Variants in CLVS1 observed in about 807,000 individuals in gnomAD.
CLVS1 encodes clavesin-1.
Under a neutral mutation model 33.1 loss-of-function variants are expected in CLVS1, and 10 were observed. That is an observed-to-expected ratio of 0.30 (90% confidence interval 0.19 to 0.51). The LOEUF (loss-of-function observed/expected upper bound fraction) is 0.51. Ranked by LOEUF, CLVS1 falls within the 20% of genes least tolerant of loss-of-function variation. CLVS1 has a pLI of 0.97. For synonymous variants in CLVS1, 163 were observed against 166.1 expected, an observed-to-expected ratio of 0.98 and a Z score of 0.14; for missense variants, 343 against 433.4, an observed-to-expected ratio of 0.79 and a Z score of 1.85.
chr8:61,466,999 A>T (rs1421505105), intron 5 of CLVS1, among the ~76,000 whole-genome samples: 3 of 152,246 alleles, frequency 2.0e-5, no homozygotes, highest in Non-Finnish European at 4.4e-5. Flanking sequence ...CACTATCATG[A>T]TGTAACTACT....
intron 2 of CLVS1, among the ~76,000 whole-genome samples, chr8:61,325,906 A>G (rs1431511372): frequency 6.6e-6 from 1 of 152,214 alleles, no homozygotes; most frequent in Non-Finnish European, 1.5e-5. Context: ...TTTATCATAC[A>G]TAGAAAAATG....
At chr8:61,406,196 G>A (rs935017297) in intron 3 of CLVS1, among the ~76,000 whole-genome samples, 2 of 152,184 alleles carry the variant, frequency 1.3e-5, no homozygotes, top group African/African-American at 2.4e-5. Flanking sequence ...TTGTGTCTGA[G>A]CTAAAAGCAG....
rs375010795 is a variant in CLVS1 at position 61,479,879 on chromosome 8, C to T, written c.978-19576C>T. 6.4e-4 allele frequency among the ~76,000 whole-genome samples: 97 copies of T among 152,240 alleles called. 2 individuals carry two copies. Among genetic ancestry groups the T allele is most frequent in the South Asian group, 3.9e-3 (19 of 4,826 alleles). ...ACCCTGTTTGCCTGGGTATCAGCAG[C>T]GGTGGCTGCAGAACAGCGGATATTG... On this transcript the variant is annotated intron_variant, in intron 5 of 5. Coordinates refer to ENST00000325897, the MANE Select transcript of CLVS1 (RefSeq NM_173519.3).
intron 1 of CLVS1, among the ~76,000 whole-genome samples, chr8:61,128,677 A>T (rs1362781406): frequency 1.3e-5 from 2 of 152,200 alleles, no homozygotes; most frequent in African/African-American, 4.8e-5. Flanking sequence ...CAGGTTTGAC[A>T]TTCAATACGT....
At chr8:61,467,347 G>A (rs1817583586) in intron 5 of CLVS1, among the ~76,000 whole-genome samples, 1 of 152,126 alleles carries the variant, frequency 6.6e-6, no homozygotes, top group African/African-American at 2.4e-5. Flanking sequence ...TTTATTCTTA[G>A]CCAGTCCTGA....
At chr8:61,402,053 G>T (rs1455646641) in intron 3 of CLVS1, among the ~76,000 whole-genome samples, 3 of 151,942 alleles carry the variant, frequency 2.0e-5, no homozygotes, top group Non-Finnish European at 2.9e-5. Flanking sequence ...TTATTCACAA[G>T]GCCTGGAACC....
At chr8:61,482,755 T>G (rs1290782376) in intron 5 of CLVS1, among the ~76,000 whole-genome samples, 2 of 152,196 alleles carry the variant, frequency 1.3e-5, no homozygotes, top group African/African-American at 4.8e-5. Context: ...CAGACCACAG[T>G]GCAATCAACC....
In CLVS1 at chr8:61,067,025, T is replaced by C. The variant is rs1400858224; in HGVS notation, c.-243+9795T>C. Among the ~76,000 whole-genome samples, 3 of 149,640 alleles carry C rather than the reference T, an allele frequency of 2.0e-5. No homozygotes were observed. In the South Asian group the frequency reaches 6.4e-4, roughly 32 times the overall value. On this transcript the variant is annotated intron_variant, in intron 1 of 2. Transcript: ENST00000522621. ...ACAGTCCTGAGTCAGGAGCCATAAA[T>C]GGGGGGGGAGGGCAATGATGTTCAA...
rs192167661 is a variant in CLVS1 at position 61,314,190 on chromosome 8, C to T, written c.455+13908C>T. Among the ~76,000 whole-genome samples, 303 of 152,250 alleles carry T rather than the reference C, an allele frequency of 2.0e-3. 3 individuals are homozygous for T. The highest frequency in any genetic ancestry group is 7.1e-3 in the African/African-American group (293 of 41,546). On this transcript the variant is annotated intron_variant, in intron 2 of 5. Transcript: ENST00000325897. The stretch of plus-strand genomic sequence containing the variant: ...TGAATGGCTTTTTTGTACTCAGTGT[C>T]CCCTTTCCCTGACAGGGTCGTGTAG...
chr8:61,339,937 A>T (rs1811960810), intron 2 of CLVS1, among the ~76,000 whole-genome samples: 1 of 151,534 alleles, frequency 6.6e-6, no homozygotes, highest in Non-Finnish European at 1.5e-5. Context: ...GAAAGATAAA[A>T]GAAAGAGAGG....
chr8:61,265,558 T>C (rs1376872058), intron 2 of CLVS1, among the ~76,000 whole-genome samples: 2 of 152,336 alleles, frequency 1.3e-5, no homozygotes, highest in South Asian at 4.1e-4. Context: ...TTGTTATGAT[T>C]TTCCCACAAC....
At chr8:61,187,765 ATAAT>A (rs1442851719) in intron 2 of CLVS1, among the ~76,000 whole-genome samples, 3 of 150,088 alleles carry the variant, frequency 2.0e-5, no homozygotes, top group Non-Finnish European at 4.4e-5. Flanking sequence ...AACTTATAAA[ATAAT>A]TATATATAAG....
Position 61,299,846 on chromosome 8 carries a change from C to A in CLVS1, c.19C>A (p.Leu7Ile), listed in dbSNP as rs1563484242. 2 of 1,610,982 alleles carry A rather than the reference C, an allele frequency of 1.2e-6. No homozygotes were observed. The highest frequency in any genetic ancestry group is 1.7e-6 in the Non-Finnish European group (2 of 1,178,240). Residue 7 changes from leucine (L) to isoleucine (I), a missense_variant, in exon 2 of 6, where the codon CTT (leucine) becomes ATT (isoleucine). By Grantham distance (5) the Leu-to-Ile change is conservative. This residue lies in a region of CLVS1 where 88 missense variants were observed against 77.3 expected (regional missense o/e 1.14). Coordinates refer to ENST00000325897, the MANE Select transcript of CLVS1 (RefSeq NM_173519.3). The stretch of plus-strand genomic sequence containing the variant: ...CAGGTGAATGGGACCAGTCTCTCTT[C>A]TTCCAAAATATCAGAAGTTAAACAC... MGPVSLLPKYQKLNTWN... is the reference protein window; with the variant it reads MGPVSLIPKYQKLNTWN...
intron 3 of CLVS1, among the ~76,000 whole-genome samples, chr8:61,404,319 G>T (rs188472567): frequency 1.3e-5 from 2 of 152,192 alleles, no homozygotes; most frequent in East Asian, 3.9e-4. Context: ...TTTCTTGAGG[G>T]CAAAGACCTT....
intron 3 of CLVS1, among the ~76,000 whole-genome samples, chr8:61,388,986 G>C (rs1814194505): frequency 6.6e-6 from 1 of 152,000 alleles, no homozygotes. Flanking sequence ...TGAGATCAAC[G>C]TTTTTAAGAT....
chr8:61,221,866 G>A (rs967147792), intron 2 of CLVS1, among the ~76,000 whole-genome samples: 1 of 152,140 alleles, frequency 6.6e-6, no homozygotes, highest in Non-Finnish European at 1.5e-5. Flanking sequence ...TTCAGAGCTT[G>A]TTATTGGTCT....
At chr8:61,372,910 A>G (rs1350432662) in intron 2 of CLVS1, among the ~76,000 whole-genome samples, 3 of 152,202 alleles carry the variant, frequency 2.0e-5, no homozygotes, top group Non-Finnish European at 4.4e-5. Flanking sequence ...AACATGATGT[A>G]TCACTGGCTA....
At chr8:61,403,621 A>C (rs542929016) in intron 3 of CLVS1, among the ~76,000 whole-genome samples, 1 of 152,314 alleles carries the variant, frequency 6.6e-6, no homozygotes, top group Admixed American at 6.5e-5. Context: ...CTGAAGATGC[A>C]TTCAGAATTT....
chr8:61,298,073 A>G (rs1395575230), intron 1 of CLVS1, among the ~76,000 whole-genome samples: 1 of 152,172 alleles, frequency 6.6e-6, no homozygotes, highest in Admixed American at 6.5e-5. Context: ...CATCCGTGTC[A>G]TTGATCAGTG....
Sources: allele counts gnomAD v4.1 joint callset (sites outside exome capture counted in the v4.1 genomes callset), GRCh38; gene constraint gnomAD v4.1.1; regional missense constraint gnomAD v4.1.1; transcripts MANE v1.5; gene names NCBI Gene and HGNC (gene_info 2026-07-23, HGNC 2026-07-21).